The following PDGFD variants were observed in gnomAD, a reference collection of about 807,000 sequenced individuals.
PDGFD encodes platelet derived growth factor D, also known as platelet-derived growth factor D.
A neutral mutation model predicts 44.7 loss-of-function variants in PDGFD; 30 were observed. The ratio of observed to expected loss-of-function variants is 0.67; its 90% CI spans 0.50 to 0.91. The LOEUF (loss-of-function observed/expected upper bound fraction) is 0.91, where lower values mean the gene tolerates loss of function less well. Among genes scored for constraint, PDGFD ranks in the 40% least tolerant of loss-of-function variants. The pLI is 0.00. For synonymous variants in PDGFD, 173 were observed against 168.4 expected (o/e 1.03, Z -0.21); for missense variants, 445 against 457.8 (o/e 0.97, Z 0.25).
intron 1 of PDGFD, among the ~76,000 whole-genome samples, chr11:104,052,538 C>T (rs1222926802): frequency 1.3e-5 from 2 of 152,024 alleles, no homozygotes; most frequent in Non-Finnish European, 2.9e-5. Context: ...GGCATGCTAG[C>T]TACCAGGGAA....
intron 1 of PDGFD, among the ~76,000 whole-genome samples, chr11:104,042,135 A>G (rs1419957395): frequency 6.6e-6 from 1 of 152,156 alleles, no homozygotes; most frequent in Admixed American, 6.5e-5. Context: ...AAACAAAACA[A>G]TGCAAGTCTG....
chr11:104,011,300 C>T (rs1425391651), intron 1 of PDGFD, among the ~76,000 whole-genome samples: 1 of 151,994 alleles, frequency 6.6e-6, no homozygotes, highest in Non-Finnish European at 1.5e-5. Flanking sequence ...TTTGGTTTAT[C>T]ACTTGTGATG....
At position 104,119,535 on chromosome 11, in the gene PDGFD, T is replaced by TATATAATATA. The variant is rs372099721; in HGVS notation, c.124+44259_124+44268dup. The stretch of plus-strand genomic sequence containing the variant: ...ATATTAATATAATATATTGATATAA[T>TATATAATATA]ATATAATATAATATATTGATATAAT... On this transcript the variant is annotated intron_variant, in intron 1 of 6. Transcript: ENST00000393158. Among the ~76,000 whole-genome samples the TATATAATATA allele has an allele frequency of 9.2e-5, 5 of 54,272 alleles. 1 individual carries two copies. The highest frequency in any genetic ancestry group is 2.6e-4 in the African/African-American group (3 of 11,446). The allele number at this position is 54,272 out of a possible 152,430, so 35.6% of individuals were successfully genotyped here.
intron 6 of PDGFD, among the ~76,000 whole-genome samples, chr11:103,915,693 T>C (rs188886304): frequency 6.6e-5 from 10 of 152,258 alleles, no homozygotes; most frequent in Admixed American, 2.0e-4. Context: ...CTTAAAACTA[T>C]ACTATAAGGC....
At position 103,971,719 on chromosome 11, in the gene PDGFD, C is replaced by T. The variant is rs530535397; in HGVS notation, c.511-23995G>A. On this transcript the variant is annotated intron_variant, in intron 3 of 6. Transcript: ENST00000393158. ...ACATTATGTTGTTTATTCCATCTCA[C>T]GTATAAGATCCATTTGAACTTAATA... 9.8e-5 allele frequency among the ~76,000 whole-genome samples: 15 copies of T among 152,330 alleles called. 1 individual carries two copies. In the South Asian group the frequency reaches 2.5e-3, roughly 25 times the overall value.
chr11:103,999,358 G>A (rs1859584922), intron 2 of PDGFD, among the ~76,000 whole-genome samples: 1 of 152,284 alleles, frequency 6.6e-6, no homozygotes, highest in Admixed American at 6.5e-5. Context: ...CTAATTAAGC[G>A]AGTAAAATGC....
At chr11:104,089,354 T>A (rs1333690961) in intron 1 of PDGFD, among the ~76,000 whole-genome samples, 4 of 152,190 alleles carry the variant, frequency 2.6e-5, no homozygotes, top group African/African-American at 9.7e-5. Flanking sequence ...AGGAGGCAGT[T>A]ACTGTATTAC....
chr11:103,957,625 C>A (rs541736323), intron 3 of PDGFD, among the ~76,000 whole-genome samples: 13 of 152,022 alleles, frequency 8.6e-5, no homozygotes, highest in Admixed American at 2.0e-4. Flanking sequence ...GAAAGGATTC[C>A]CTATTTAATA....
intron 1 of PDGFD, among the ~76,000 whole-genome samples, chr11:104,008,621 TAAGTA>T (rs920978265): frequency 1.3e-5 from 2 of 152,278 alleles, no homozygotes; most frequent in Admixed American, 1.3e-4. Context: ...CCTTTAAAAC[TAAGTA>T]AAGACTTCTT....
chr11:103,946,897 C>T (rs537875887), intron 4 of PDGFD, among the ~76,000 whole-genome samples: 2 of 152,136 alleles, frequency 1.3e-5, no homozygotes, highest in Admixed American at 1.3e-4. Context: ...CAAAAGATAA[C>T]ATACCAATTT....
At chr11:104,119,294 A>G (rs1318998548) in intron 1 of PDGFD, among the ~76,000 whole-genome samples, 50 of 61,722 alleles carry the variant, frequency 8.1e-4, no homozygotes, top group African/African-American at 2.3e-3. Flanking sequence ...ATATTGATAT[A>G]ATATATAATA....
chr11:104,057,121 C>T (rs963279954), intron 1 of PDGFD, among the ~76,000 whole-genome samples: 8 of 152,108 alleles, frequency 5.3e-5, no homozygotes, highest in Non-Finnish European at 8.8e-5. Context: ...AGCAAGACTT[C>T]GTCCCCTCCC....
chr11:104,079,539 C>T (rs765436173), intron 1 of PDGFD, among the ~76,000 whole-genome samples: 30 of 152,078 alleles, frequency 2.0e-4, no homozygotes, highest in Admixed American at 8.5e-4. Context: ...AGGTGCCTGC[C>T]GCCACGCTCA....
intron 1 of PDGFD, among the ~76,000 whole-genome samples, chr11:104,121,510 G>A (rs565400494): frequency 9.9e-5 from 15 of 151,950 alleles, no homozygotes; most frequent in African/African-American, 2.9e-4. Context: ...AATTTTCAAC[G>A]TACTATAGTC....
chr11:104,044,390 C>T (rs1240781709), intron 1 of PDGFD, among the ~76,000 whole-genome samples: 1 of 151,990 alleles, frequency 6.6e-6, no homozygotes, highest in African/African-American at 2.4e-5. Context: ...ATATAGATAA[C>T]ATACATGAAT....
intron 1 of PDGFD, among the ~76,000 whole-genome samples, chr11:104,160,853 C>A (rs1258132576): frequency 6.6e-6 from 1 of 152,142 alleles, no homozygotes; most frequent in African/African-American, 2.4e-5. Context: ...AGATCAGCTT[C>A]TTATAATGGG....
chr11:104,036,728 C>T, intron 1 of PDGFD: 1 of 951,238 alleles, frequency 1.1e-6, no homozygotes, highest in Non-Finnish European at 1.6e-6. Flanking sequence ...CCTACCAAGT[C>T]CTGAGGAGCA....
At chr11:104,074,212 C>A (rs1028116166) in intron 1 of PDGFD, among the ~76,000 whole-genome samples, 1 of 152,198 alleles carries the variant, frequency 6.6e-6, no homozygotes, top group Non-Finnish European at 1.5e-5. Flanking sequence ...CAGACACTTG[C>A]CTGAGCCAGC....
intron 1 of PDGFD, among the ~76,000 whole-genome samples, chr11:104,008,352 T>C (rs1158608581): frequency 6.6e-6 from 1 of 152,148 alleles, no homozygotes; most frequent in East Asian, 1.9e-4. Context: ...GGTCAAACAC[T>C]TTTGCTAACT....
Sources: gnomAD v4.1 joint callset for allele counts (sites outside exome capture counted in the v4.1 genomes callset) on GRCh38, gnomAD v4.1.1 for gene constraint, MANE v1.5 for transcripts, NCBI Gene and HGNC (gene_info 2026-07-23, HGNC 2026-07-21) for gene names.